Variants in SORCS3 observed in about 807,000 individuals in gnomAD.
The protein encoded by SORCS3 is sortilin related VPS10 domain containing receptor 3.
A neutral mutation model predicts 146.3 loss-of-function variants in SORCS3; 57 were observed. The ratio of observed to expected loss-of-function variants is 0.39; its 90% CI spans 0.31 to 0.49. The LOEUF is 0.49. Ranked by LOEUF, SORCS3 falls within the 20% of genes least tolerant of loss-of-function variation. SORCS3 has a pLI of 0.92. For missense variants in SORCS3, 1,341 were observed against 1,575.5 expected, an observed-to-expected ratio of 0.85 and a Z score of 2.52; for synonymous variants, 653 against 618.5, an observed-to-expected ratio of 1.06 and a Z score of -0.83.
intron 2 of SORCS3, among the ~76,000 whole-genome samples, chr10:104,887,799 A>G (rs1010433326): frequency 2.4e-4 from 37 of 152,088 alleles, no homozygotes; most frequent in African/African-American, 8.7e-4. Context: ...GCTTCTGTGG[A>G]TGTTTTAAGT....
rs2016051932 is a variant in SORCS3 at position 104,686,967 on chromosome 10, TTCCATTCATCTA to T, written c.627+45019_627+45030del. Among the ~76,000 whole-genome samples the T allele has an allele frequency of 2.6e-5, 4 of 151,898 alleles. No homozygotes were observed. The South Asian group carries it at 8.3e-4, about 32-fold the overall frequency. On this transcript the variant is annotated intron_variant, in intron 1 of 26. Coordinates refer to ENST00000369701, the MANE Select transcript of SORCS3 (RefSeq NM_014978.3). ...CATCTATGTATCCATGCATTCATCT[TTCCATTCATCTA>T]TCCATCCATCCATGTACCCATCCTT...
chr10:104,775,642 A>G (rs1450767296), intron 1 of SORCS3, among the ~76,000 whole-genome samples: 2 of 152,242 alleles, frequency 1.3e-5, no homozygotes, highest in Non-Finnish European at 2.9e-5. Flanking sequence ...ACAGAATGAC[A>G]GACTCCAGCA....
At chr10:105,072,657 CTCTTTTTTTTT>C (rs1267037662) in intron 5 of SORCS3, among the ~76,000 whole-genome samples, 2 of 110,404 alleles carry the variant, frequency 1.8e-5, no homozygotes, top group African/African-American at 6.7e-5. Context: ...TTCTCTCTCT[CTCTTTTTTTTT>C]TTTTTTTTTT....
chr10:104,721,416 G>T (rs34578708), intron 1 of SORCS3, among the ~76,000 whole-genome samples: 30,158 of 152,078 alleles, frequency 0.2, 3,277 homozygotes, highest in Non-Finnish European at 0.25. Flanking sequence ...AGCCTGATGC[G>T]ACCGGCTTTG....
intron 1 of SORCS3, among the ~76,000 whole-genome samples, chr10:104,749,257 G>A (rs2016954641): frequency 6.6e-6 from 1 of 151,140 alleles, no homozygotes; most frequent in Non-Finnish European, 1.5e-5. Context: ...GTGTGTGTGT[G>A]TGTGTGTGTG....
At chr10:104,654,797 C>T (rs1242201917) in intron 1 of SORCS3, among the ~76,000 whole-genome samples, 7 of 152,180 alleles carry the variant, frequency 4.6e-5, no homozygotes, top group African/African-American at 1.7e-4. Flanking sequence ...ATACCTCTGA[C>T]TTTGTTCAAA....
intron 5 of SORCS3, among the ~76,000 whole-genome samples, chr10:105,051,565 G>T (rs1457994790): frequency 6.6e-6 from 1 of 152,106 alleles, no homozygotes; most frequent in Non-Finnish European, 1.5e-5. Flanking sequence ...ATCCATGACA[G>T]AGCCAGAGTT....
At chr10:105,076,362 A>T (rs1252467587) in intron 5 of SORCS3, among the ~76,000 whole-genome samples, 6 of 152,202 alleles carry the variant, frequency 3.9e-5, no homozygotes, top group Non-Finnish European at 8.8e-5. Flanking sequence ...GTACCCTGTT[A>T]TCCTGAGCTT....
chr10:104,688,141 T>C (rs2133420040), intron 1 of SORCS3, among the ~76,000 whole-genome samples: 1 of 152,376 alleles, frequency 6.6e-6, no homozygotes, highest in Non-Finnish European at 1.5e-5. Flanking sequence ...GGCAACCCTA[T>C]TGAGTCTCCC....
At chr10:104,666,372 A>AG (rs750740847) in intron 1 of SORCS3, among the ~76,000 whole-genome samples, 1 of 152,142 alleles carries the variant, frequency 6.6e-6, no homozygotes, top group Non-Finnish European at 1.5e-5. Context: ...AGAAGAGGAA[A>AG]GGGGAGAGGA....
rs781558660 is a variant in SORCS3, at chr10:105,262,333, A to C, written c.3446A>C (p.Lys1149Thr). 1.9e-6 allele frequency: 3 copies of C among 1,612,416 alleles called. No homozygotes were observed. The African/African-American group carries it at 4.0e-5, about 22-fold the overall frequency. ...GATTTTGCTCCTGTCCCATGTAGGAAAATCCCTTGGATTAACATCTATGCT... is the reference window on the plus strand; with the variant it reads ...GATTTTGCTCCTGTCCCATGTAGGACAATCCCTTGGATTAACATCTATGCT... ...AVFLIYKFKR[K>T]IPWINIYAQV... Residue 1149 changes from lysine (K) to threonine (T), a missense_variant and splice_region_variant, in exon 26 of 27, where the codon AAA becomes ACA. Physicochemically the swap from Lys to Thr is moderately conservative, Grantham distance 78. Coordinates refer to ENST00000369701, the MANE Select transcript of SORCS3 (RefSeq NM_014978.3).
chr10:104,770,105 T>C (rs2017229672), intron 1 of SORCS3, among the ~76,000 whole-genome samples: 1 of 152,158 alleles, frequency 6.6e-6, no homozygotes, highest in African/African-American at 2.4e-5. Flanking sequence ...GGCTGCAACC[T>C]ACTCTCAAGG....
At position 105,186,518 on chromosome 10, in the gene SORCS3, T is replaced by A. The variant is rs2056477597; in HGVS notation, c.2009+8345T>A. ...TGACATAAAGTAGGAAACTGAGAAA[T>A]GTCATGACATTTTAATGACATAAGA... On this transcript the variant is annotated intron_variant, in intron 14 of 26. Coordinates refer to ENST00000369701, the MANE Select transcript of SORCS3 (RefSeq NM_014978.3). 5.3e-5 allele frequency among the ~76,000 whole-genome samples: 8 copies of A among 150,488 alleles called. No homozygotes were observed. In the South Asian group the frequency reaches 1.7e-3, roughly 32 times the overall value.
chr10:104,759,148 C>T lies in SORCS3; in HGVS notation c.628-83644C>T, dbSNP rs577405523. ...ACATATAGGGAGGATGCCATGTGAACATTAAGGCAGAGATCAGGGTGATGC... is the reference window on the plus strand; with the variant it reads ...ACATATAGGGAGGATGCCATGTGAATATTAAGGCAGAGATCAGGGTGATGC... On this transcript the variant is annotated intron_variant, in intron 1 of 26. Coordinates refer to ENST00000369701, the MANE Select transcript of SORCS3 (RefSeq NM_014978.3). Among the ~76,000 whole-genome samples the T allele has an allele frequency of 3.9e-5, 6 of 152,214 alleles. No homozygotes were observed. The East Asian group carries it at 1.2e-3, about 29-fold the overall frequency.
At chr10:104,722,698 T>G (rs1000784053) in intron 1 of SORCS3, among the ~76,000 whole-genome samples, 1 of 152,230 alleles carries the variant, frequency 6.6e-6, no homozygotes, top group African/African-American at 2.4e-5. Context: ...CTTCCTGGTT[T>G]AGTCTTGGGA....
At chr10:105,154,884 CT>C (rs1484104425) in intron 9 of SORCS3, among the ~76,000 whole-genome samples, 8 of 152,172 alleles carry the variant, frequency 5.3e-5, no homozygotes. Context: ...AGCCAAGTGC[CT>C]TCCAAACTCG....
chr10:105,076,218 G>A (rs531978932), intron 5 of SORCS3, among the ~76,000 whole-genome samples: 1 of 152,308 alleles, frequency 6.6e-6, no homozygotes, highest in East Asian at 1.9e-4. Context: ...TAAATGTAGA[G>A]TTGAGATTAG....
chr10:105,253,931 T>C (rs1247154147), intron 23 of SORCS3, among the ~76,000 whole-genome samples: 1 of 152,236 alleles, frequency 6.6e-6, no homozygotes, highest in African/African-American at 2.4e-5. Context: ...GTGTGAACTA[T>C]ATTTGGAAGC....
At chr10:104,751,968 T>TATAA (rs1369449514) in intron 1 of SORCS3, among the ~76,000 whole-genome samples, 57 of 128,404 alleles carry the variant, frequency 4.4e-4, no homozygotes, top group South Asian at 1.3e-3. Context: ...TATATATATA[T>TATAA]AATAGTTTAG....
Sources: allele counts gnomAD v4.1 joint callset (sites outside exome capture counted in the v4.1 genomes callset), GRCh38; gene constraint gnomAD v4.1.1; transcripts MANE v1.5; gene names NCBI Gene and HGNC (gene_info 2026-07-23, HGNC 2026-07-21).